Variants in ERMP1 observed in about 807,000 individuals in gnomAD.
ERMP1 encodes Felix-ina.
In ERMP1, 86 loss-of-function variants were observed where a neutral mutation model predicts 92.0. The observed-to-expected ratio is 0.93, with a 90% CI of 0.79 to 1.12. The LOEUF (loss-of-function observed/expected upper bound fraction) is 1.12, where lower values mean the gene tolerates loss of function less well. ERMP1 is among the 50% of genes most tolerant of loss of function. The pLI is 0.00. For synonymous variants in ERMP1, 530 were observed against 412.8 expected (o/e 1.28, Z -3.44); for missense variants, 1,342 against 1,116.3 (o/e 1.20, Z -2.88).
intron 4 of ERMP1, 93 bp from the exon 5 acceptor site, chr9:5,813,128 G>A: frequency 7.2e-7 from 1 of 1,380,444 alleles, no homozygotes; most frequent in Non-Finnish European, 1.0e-6. Context: ...AGTAAAAGTG[G>A]TGGTTTTGGG....
intron 13 of ERMP1, among the ~76,000 whole-genome samples, chr9:5,795,677 C>A (rs981408426): frequency 5.3e-5 from 8 of 152,072 alleles, no homozygotes; most frequent in Non-Finnish European, 7.4e-5. Context: ...ACTTGGGAGG[C>A]TGAGGCGGGA....
chr9:5,856,841 T>C (rs61023580), intron 6 of ERMP1, among the ~76,000 whole-genome samples: 2 of 152,290 alleles, frequency 1.3e-5, no homozygotes, highest in Non-Finnish European at 2.9e-5. Flanking sequence ...CCAACAGCAC[T>C]GTAACTCATG....
At chr9:5,799,528 C>G (rs917193219) in intron 11 of ERMP1, among the ~76,000 whole-genome samples, 6 of 151,802 alleles carry the variant, frequency 4.0e-5, no homozygotes, top group African/African-American at 1.2e-4. Context: ...AGGAAAAAAA[C>G]AAACAAAAAA....
chr9:5,794,257 T>C (rs1321511351), intron 13 of ERMP1, among the ~76,000 whole-genome samples: 2 of 152,036 alleles, frequency 1.3e-5, no homozygotes, highest in African/African-American at 4.8e-5. Context: ...AAATGAAAAT[T>C]CAACTTAAAA....
Position 5,786,990 on chromosome 9 carries a change from G to C in ERMP1, c.*154C>G, listed in dbSNP as rs1356701913. 7.0e-6 allele frequency: 5 copies of C among 713,464 alleles called. No individual in the cohort carries two copies. The highest frequency in any genetic ancestry group is 1.9e-5 in the South Asian group (1 of 51,528). The allele number at this position is 713,464 out of a possible 1,614,324, so 44.2% of individuals were successfully genotyped here. A position where few individuals can be genotyped will look rare whatever the true frequency, so the allele number is the denominator to read the frequency against. ...ACTGCGCCACAGCTAAACCCTTATAGTGCTTGGCCCTGAAAAGCGTTAACC... is the reference window on the plus strand; with the variant it reads ...ACTGCGCCACAGCTAAACCCTTATACTGCTTGGCCCTGAAAAGCGTTAACC... On this transcript the variant is annotated 3_prime_UTR_variant, in exon 15 of 15. Coordinates refer to ENST00000339450, the MANE Select transcript of ERMP1 (RefSeq NM_024896.3).
At position 5,832,951 on chromosome 9, in the gene ERMP1, G is replaced by A; in HGVS notation, c.77C>T (p.Ala26Val). The A allele has an allele frequency of 6.4e-7, 1 of 1,561,520 alleles. No homozygotes were observed. The highest frequency in any genetic ancestry group is 8.6e-7 in the Non-Finnish European group (1 of 1,165,112). Residue 26 changes from alanine (A) to valine (V), a missense_variant, in exon 1 of 15, where the codon GCG becomes GTG. By Grantham distance (64) the Ala-to-Val change is moderately conservative (BLOSUM62 0). Coordinates refer to ENST00000339450, the MANE Select transcript of ERMP1 (RefSeq NM_024896.3). ...TCGGGCCTCCCTCTCCGGCGGTGGC[G>A]CGGCCGCCGCTCCCTCTCGACGCTC... ...GVERREGAAA[A>V]PPPEREARAQ...
intron 10 of ERMP1, among the ~76,000 whole-genome samples, chr9:5,802,573 A>G (rs971924556): frequency 6.6e-6 from 1 of 152,134 alleles, no homozygotes; most frequent in African/African-American, 2.4e-5. Flanking sequence ...TTTAGTACAG[A>G]CAGGGTTTCA....
At chr9:5,806,449 A>T (rs1828873657) in intron 8 of ERMP1, among the ~76,000 whole-genome samples, 1 of 147,102 alleles carries the variant, frequency 6.8e-6, no homozygotes, top group Non-Finnish European at 1.5e-5. Flanking sequence ...TTTTTTTGAG[A>T]CAGGTTCTCG....
At chr9:5,827,743 G>A (rs1431488673) in intron 2 of ERMP1, among the ~76,000 whole-genome samples, 1 of 152,108 alleles carries the variant, frequency 6.6e-6, no homozygotes, top group Non-Finnish European at 1.5e-5. Flanking sequence ...CATGAACCCG[G>A]GAGGCGGAGG....
chr9:5,848,975 T>A (rs1017653213), intron 6 of ERMP1, among the ~76,000 whole-genome samples: 10 of 152,218 alleles, frequency 6.6e-5, no homozygotes, highest in Non-Finnish European at 1.5e-4. Context: ...AGCCACTTTG[T>A]ACTTTAGTTT....
At chr9:5,840,447 G>A (rs1341479915) in intron 6 of ERMP1, among the ~76,000 whole-genome samples, 1 of 152,062 alleles carries the variant, frequency 6.6e-6, no homozygotes, top group Non-Finnish European at 1.5e-5. Flanking sequence ...GATGATCCTG[G>A]GCCAGATCAC....
chr9:5,866,159 T>C (rs1830652763), intron 5 of ERMP1, among the ~76,000 whole-genome samples: 1 of 152,208 alleles, frequency 6.6e-6, no homozygotes, highest in Admixed American at 6.5e-5. Flanking sequence ...ACTTCCATTT[T>C]GGGGGGTAAA....
intron 4 of ERMP1, 61 bp from the exon 5 acceptor site, chr9:5,813,096 TG>T (rs1829168727): frequency 1.3e-6 from 2 of 1,577,228 alleles, no homozygotes; most frequent in East Asian, 4.5e-5. Flanking sequence ...AACATACTAA[TG>T]TTTTTCAACA....
chr9:5,830,715 A>G lies in ERMP1; in HGVS notation c.640+12T>C, dbSNP rs1419277221. 1 of 1,585,592 alleles carries G rather than the reference A, an allele frequency of 6.3e-7. No individual in the cohort carries two copies. Among genetic ancestry groups the G allele is most frequent in the African/African-American group, 1.4e-5 (1 of 73,640 alleles). ...GTGACAAGTTCCAAATGACTAAAAA[A>G]CAGGTACATACCTGGTGAGTTTGCT... On this transcript the variant is annotated intron_variant, in intron 2 of 14. Transcript: ENST00000339450.
In ERMP1 at chr9:5,832,996, C is replaced by T; in HGVS notation, c.32G>A (p.Arg11Lys). MEWGSESAAV[R>K]RHRVGVERRE... ...ACGCTCTACTCCGACGCGGTGCCGC[C>T]TCACAGCAGCCGACTCAGAACCCCA... Residue 11 changes from arginine to lysine, a missense_variant, in exon 1 of 15, where the codon AGG becomes AAG. By Grantham distance (26) the Arg-to-Lys change is conservative (BLOSUM62 2). Transcript: ENST00000339450. 1 of 1,558,820 alleles carries T rather than the reference C, an allele frequency of 6.4e-7. No individual in the cohort carries two copies.
intron 8 of ERMP1, 78 bp from the exon 9 acceptor site, chr9:5,805,863 C>G: frequency 9.0e-7 from 1 of 1,113,150 alleles, no homozygotes; most frequent in Admixed American, 3.0e-5. Flanking sequence ...AACACACTTT[C>G]CATCACTCAG....
At chr9:5,825,980 A>G (rs1829718743) in intron 2 of ERMP1, among the ~76,000 whole-genome samples, 2 of 152,194 alleles carry the variant, frequency 1.3e-5, no homozygotes, top group African/African-American at 4.8e-5. Context: ...GATACCAAGG[A>G]ATTACTGTTA....
At chr9:5,841,837 G>C (rs1310770205) in intron 6 of ERMP1, among the ~76,000 whole-genome samples, 1 of 152,010 alleles carries the variant, frequency 6.6e-6, no homozygotes, top group Non-Finnish European at 1.5e-5. Flanking sequence ...CGGTGAGTGT[G>C]ACAGTTCTTA....
chr9:5,785,416 ACAGATAAAAGTAG>A lies in ERMP1; in HGVS notation c.*1715_*1727del, dbSNP rs1020389223. 6.6e-6 allele frequency: 1 copy of A among 152,200 alleles called. No homozygotes were observed. The highest frequency in any genetic ancestry group is 2.4e-5 in the African/African-American group (1 of 41,454). 9.4% of individuals were successfully genotyped at this position (152,200 alleles called of 1,614,324 possible). Reference sequence around the variant, plus strand: ...CCCTGCAAACCTTATGTGCTACCTGACAGATAAAAGTAGCAGGAGCCAGACTCTTGAAGCACTT... The same window carrying A: ...CCCTGCAAACCTTATGTGCTACCTGACAGGAGCCAGACTCTTGAAGCACTT... On this transcript the variant is annotated 3_prime_UTR_variant, in exon 15 of 15. Coordinates refer to ENST00000339450, the MANE Select transcript of ERMP1 (RefSeq NM_024896.3).
Sources: gnomAD v4.1 joint callset for allele counts (sites outside exome capture counted in the v4.1 genomes callset) on GRCh38, gnomAD v4.1.1 for gene constraint, MANE v1.5 for transcripts, NCBI Gene and HGNC (gene_info 2026-07-23, HGNC 2026-07-21) for gene names.